Variants in CD2AP observed in about 807,000 individuals in gnomAD.
CD2AP encodes the protein CD2 associated protein.
A neutral mutation model predicts 85.1 loss-of-function variants in CD2AP; 46 were observed. That is an observed-to-expected ratio of 0.54 (90% CI 0.43 to 0.69). The LOEUF is 0.69. Among genes scored for constraint, CD2AP ranks in the 30% least tolerant of loss-of-function variants. The pLI is 0.00. For synonymous variants in CD2AP, 255 were observed against 252.9 expected (o/e 1.01, Z -0.08); for missense variants, 769 against 729.5 (o/e 1.05, Z -0.62).
chr6:47,608,155 TA>T (rs1562054920), intron 15 of CD2AP, 127 bp downstream of exon 15: 1 of 721,246 alleles, frequency 1.4e-6, no homozygotes, highest in Non-Finnish European at 2.4e-6. Flanking sequence ...TAATTGCTGC[TA>T]AAAAATTGAG....
Position 47,490,374 on chromosome 6 carries a change from T to C in CD2AP, c.4+12126T>C, listed in dbSNP as rs540670165. On this transcript the variant is annotated intron_variant, in intron 1 of 17. Transcript: ENST00000359314. ...TTTCCTAGAGTTGTTTTTTGGTGAG[T>C]TCTATAAAACTTTATGATGGCTATT... Among the ~76,000 whole-genome samples, 4 of 152,324 alleles carry C rather than the reference T, an allele frequency of 2.6e-5. No homozygotes were observed. The East Asian group carries it at 5.8e-4, about 22-fold the overall frequency.
intron 17 of CD2AP, among the ~76,000 whole-genome samples, chr6:47,615,802 T>A (rs1582629024): frequency 6.8e-6 from 1 of 146,254 alleles, no homozygotes; most frequent in Non-Finnish European, 1.5e-5. Flanking sequence ...AATTTATTTA[T>A]TTATTTATTT....
rs906119921 is a variant in CD2AP at position 47,595,935 on chromosome 6, C to G, written c.1183C>G (p.Pro395Ala). The G allele has an allele frequency of 1.7e-5, 27 of 1,612,596 alleles. No homozygotes were observed. The highest frequency in any genetic ancestry group is 2.2e-5 in the Non-Finnish European group (26 of 1,178,906). The change falls in exon 12 of 18, where the codon CCT (proline) becomes GCT (alanine). Residue 395 changes from proline to alanine, a missense_variant. Coordinates refer to ENST00000359314, the MANE Select transcript of CD2AP (RefSeq NM_012120.3). ...PQVPPKKPTP[P>A]TKASNLLRSS... Reference sequence around the variant, plus strand: ...AGTCCCACCCAAGAAACCTACTCCACCTACCAAAGCCAGTAATTTACTGAG... The same window carrying G: ...AGTCCCACCCAAGAAACCTACTCCAGCTACCAAAGCCAGTAATTTACTGAG...
rs114375801 is a variant in CD2AP at position 47,560,800 on chromosome 6, C to T, written c.541+6034C>T. Reference sequence around the variant, plus strand: ...TGTTTCATGGAGAGATACTTTGAGACTATGTAAATATGCTATTCCTCATCA... The same window carrying T: ...TGTTTCATGGAGAGATACTTTGAGATTATGTAAATATGCTATTCCTCATCA... On this transcript the variant is annotated intron_variant, in intron 5 of 17. Transcript: ENST00000359314. 3.3e-3 allele frequency among the ~76,000 whole-genome samples: 495 copies of T among 152,214 alleles called. 2 individuals are homozygous for T. Among genetic ancestry groups the T allele is most frequent in the African/African-American group, 0.011 (467 of 41,536 alleles).
In CD2AP at chr6:47,478,146, G is replaced by C; in HGVS notation, c.-99G>C. Reference sequence around the variant, plus strand: ...AGCTCAGGAGGGGCTAGCGCGGAGCGCGGGTCCCGCCTCCAGCCGCGGGAG... The same window carrying C: ...AGCTCAGGAGGGGCTAGCGCGGAGCCCGGGTCCCGCCTCCAGCCGCGGGAG... On this transcript the variant is annotated 5_prime_UTR_variant, in exon 1 of 18. Transcript: ENST00000359314. 1 of 1,460,244 alleles carries C rather than the reference G, an allele frequency of 6.8e-7. No individual in the cohort carries two copies. Among genetic ancestry groups the C allele is most frequent in the South Asian group, 1.2e-5 (1 of 82,204 alleles). The allele number at this position is 1,460,244 out of a possible 1,614,324, so 90.5% of individuals were successfully genotyped here.
chr6:47,589,753 C>T (rs1173992873), intron 11 of CD2AP, among the ~76,000 whole-genome samples: 1 of 151,650 alleles, frequency 6.6e-6, no homozygotes, highest in African/African-American at 2.4e-5. Context: ...AAAGAACTTT[C>T]GATAGACTTT....
In CD2AP at chr6:47,503,573, T is replaced by G. The variant is rs143960701; in HGVS notation, c.165+133T>G. ...CTTTGTAACATTTAAGAAAATAGAG[T>G]CCAGGTACCTCTATAATGGATATCA... On this transcript the variant is annotated intron_variant, in intron 2 of 17. Coordinates refer to ENST00000359314, the MANE Select transcript of CD2AP (RefSeq NM_012120.3). 5.8e-4 allele frequency: 447 copies of G among 775,722 alleles called. 2 individuals are homozygous for G. In the African/African-American group the frequency reaches 6.9e-3, roughly 12 times the overall value. 48.1% of individuals were successfully genotyped at this position (775,722 alleles called of 1,614,324 possible). A position where few individuals can be genotyped will look rare whatever the true frequency, so the allele number is the denominator to read the frequency against.
intron 2 of CD2AP, among the ~76,000 whole-genome samples, chr6:47,514,730 G>A (rs1397450456): frequency 6.6e-6 from 1 of 152,050 alleles, no homozygotes; most frequent in Non-Finnish European, 1.5e-5. Context: ...CAGAATCTTT[G>A]AAAAAATGTC....
At chr6:47,566,301 A>AATATATATATATATATATATATATATAT (rs71831752) in intron 5 of CD2AP, among the ~76,000 whole-genome samples, 32 of 110,090 alleles carry the variant, frequency 2.9e-4, no homozygotes, top group South Asian at 1.1e-3. Context: ...TGCTCATTAG[A>AATATATATATATATATATATATATATAT]ATATATATAT....
intron 1 of CD2AP, among the ~76,000 whole-genome samples, chr6:47,486,581 G>T (rs1451276950): frequency 6.6e-6 from 1 of 152,184 alleles, no homozygotes; most frequent in Non-Finnish European, 1.5e-5. Context: ...ACTGGCAGTA[G>T]TTAAGGTATT....
At chr6:47,536,025 G>T (rs1391442606) in intron 3 of CD2AP, among the ~76,000 whole-genome samples, 1 of 152,112 alleles carries the variant, frequency 6.6e-6, no homozygotes, top group African/African-American at 2.4e-5. Flanking sequence ...CTTGTAAGAA[G>T]GAAAAATCAT....
chr6:47,608,952 A>G (rs184551418), intron 15 of CD2AP, among the ~76,000 whole-genome samples, 171 bp from the exon 16 acceptor site: 35 of 152,306 alleles, frequency 2.3e-4, no homozygotes, highest in African/African-American at 7.9e-4. Context: ...TTACAAATGT[A>G]TTCTTTAGTT....
chr6:47,569,856 A>G (rs1286865010), intron 5 of CD2AP, among the ~76,000 whole-genome samples: 1 of 152,090 alleles, frequency 6.6e-6, no homozygotes, highest in African/African-American at 2.4e-5. Flanking sequence ...TTCACCTTAT[A>G]CTCCTCCTGG....
intron 2 of CD2AP, among the ~76,000 whole-genome samples, chr6:47,516,254 AC>A (rs2114000525): frequency 6.6e-6 from 1 of 152,288 alleles, no homozygotes; most frequent in East Asian, 1.9e-4. Flanking sequence ...TGGCGGCACA[AC>A]CTTCTGGGCT....
intron 1 of CD2AP, among the ~76,000 whole-genome samples, chr6:47,484,628 A>T (rs1582462840): frequency 6.6e-6 from 1 of 152,134 alleles, no homozygotes; most frequent in Non-Finnish European, 1.5e-5. Context: ...CAGTGGCTCC[A>T]GTAGACTTGT....
At position 47,607,912 on chromosome 6, in the gene CD2AP, T is replaced by TA. The variant is rs756943306; in HGVS notation, c.1531-9dup. On this transcript the variant is annotated splice_polypyrimidine_tract_variant and intron_variant, in intron 14 of 17. Coordinates refer to ENST00000359314, the MANE Select transcript of CD2AP (RefSeq NM_012120.3). ...TTGGTCTATTATGTCTCTTGACTTC[T>TA]AAAAAATCATTTAGCCAACTCACAG... is the stretch of plus-strand genomic sequence containing the variant. The TA allele has an allele frequency of 1.3e-6, 2 of 1,586,466 alleles. No individual in the cohort carries two copies. Among genetic ancestry groups the TA allele is most frequent in the Non-Finnish European group, 8.6e-7 (1 of 1,156,224 alleles).
intron 2 of CD2AP, among the ~76,000 whole-genome samples, chr6:47,503,658 T>C (rs1259732731): frequency 1.3e-5 from 2 of 152,220 alleles, no homozygotes; most frequent in Non-Finnish European, 2.9e-5. Context: ...GTATATATGC[T>C]TGTATATGGT....
chr6:47,503,162 G>T, intron 1 of CD2AP, 118 bp from the exon 2 acceptor site: 1 of 967,782 alleles, frequency 1.0e-6, no homozygotes, highest in Non-Finnish European at 1.6e-6. Flanking sequence ...CCTTGCTGAT[G>T]TCTTTGTGGT....
At chr6:47,575,429 T>A (rs1157644083) in intron 6 of CD2AP, among the ~76,000 whole-genome samples, 1 of 152,192 alleles carries the variant, frequency 6.6e-6, no homozygotes, top group Non-Finnish European at 1.5e-5. Context: ...CAAGAGTTGT[T>A]ATTAGTGACT....
Sources: allele counts gnomAD v4.1 joint callset (sites outside exome capture counted in the v4.1 genomes callset), GRCh38; gene constraint gnomAD v4.1.1; transcripts MANE v1.5; gene names NCBI Gene and HGNC (gene_info 2026-07-23, HGNC 2026-07-21).